The following DNAH8 variants were observed in gnomAD, a reference collection of about 807,000 sequenced individuals.
The protein encoded by DNAH8 is axonemal beta dynein heavy chain 8.
DNAH8 carries 382 observed loss-of-function variants against 562.1 expected under a neutral mutation model. The observed-to-expected ratio is 0.68, with a 90% CI of 0.63 to 0.74. DNAH8 has a LOEUF of 0.74. Among genes scored for constraint, DNAH8 ranks in the 30% least tolerant of loss-of-function variants. DNAH8 has a pLI of 0.00. For synonymous variants in DNAH8, 1,881 were observed against 1,919.4 expected (o/e 0.98, Z 0.52); for missense variants, 5,203 against 5,620.4 (o/e 0.93, Z 2.37).
chr6:38,790,705 C>T (rs1168274532), intron 20 of DNAH8, among the ~76,000 whole-genome samples: 1 of 151,924 alleles, frequency 6.6e-6, no homozygotes, highest in Non-Finnish European at 1.5e-5. Flanking sequence ...CACCTGTAAT[C>T]CCAGCTACTC....
At position 38,917,352 on chromosome 6, in the gene DNAH8, T is replaced by C. The variant is rs781138785; in HGVS notation, c.10254T>C (p.Val3418=). ...LLLFQKKIDP[V]TMDPEKSCCK... is the part of the protein sequence containing the mutation. ...TATTTCAAAAGAAAATTGACCCTGT[T>C]ACTATGGATCCAGAAAAATCTTGCT... Residue 3418 remains valine, a synonymous_variant, in exon 69 of 93, where the codon GTT becomes GTC. Transcript: ENST00000327475. 1 of 1,613,740 alleles carries C rather than the reference T, an allele frequency of 6.2e-7. No homozygotes were observed. Among genetic ancestry groups the C allele is most frequent in the Non-Finnish European group, 8.5e-7 (1 of 1,179,732 alleles).
chr6:38,937,568 A>C (rs1298615672), intron 77 of DNAH8, among the ~76,000 whole-genome samples: 2 of 152,086 alleles, frequency 1.3e-5, no homozygotes, highest in Non-Finnish European at 2.9e-5. Flanking sequence ...GGTTAGCTAC[A>C]CCCTGAGACA....
At chr6:38,892,095 C>G (rs555494217) in intron 58 of DNAH8, among the ~76,000 whole-genome samples, 15 of 152,230 alleles carry the variant, frequency 9.9e-5, no homozygotes, top group African/African-American at 3.6e-4. Flanking sequence ...GATTTTCTTC[C>G]TAGTGCACTG....
chr6:38,868,996 T>C (rs559847935), intron 48 of DNAH8, among the ~76,000 whole-genome samples: 2 of 152,324 alleles, frequency 1.3e-5, no homozygotes, highest in Admixed American at 1.3e-4. Context: ...TTGTTTTGAA[T>C]AGCTGATGGA....
At chr6:38,919,497 A>G (rs1477223512) in intron 70 of DNAH8, among the ~76,000 whole-genome samples, 2 of 152,172 alleles carry the variant, frequency 1.3e-5, no homozygotes, top group Non-Finnish European at 2.9e-5. Context: ...CCGAGTAGGC[A>G]TAAATTAGTA....
chr6:38,880,461 C>T (rs1019423634), intron 53 of DNAH8, among the ~76,000 whole-genome samples: 7 of 152,034 alleles, frequency 4.6e-5, no homozygotes, highest in Non-Finnish European at 7.4e-5. Flanking sequence ...GGGGAAAAAT[C>T]TCTTTTGCTG....
chr6:38,907,114 G>A (rs969119209), intron 63 of DNAH8, among the ~76,000 whole-genome samples: 34 of 152,174 alleles, frequency 2.2e-4, no homozygotes, highest in Admixed American at 2.0e-4. Context: ...GAGATTTATT[G>A]TGGCAACACA....
chr6:38,736,874 G>A (rs1444315380), intron 5 of DNAH8, among the ~76,000 whole-genome samples, 193 bp from the exon 6 acceptor site: 2 of 152,090 alleles, frequency 1.3e-5, no homozygotes, highest in African/African-American at 4.8e-5. Flanking sequence ...GCAAATATGG[G>A]AATAATTAAA....
intron 8 of DNAH8, among the ~76,000 whole-genome samples, chr6:38,742,935 A>G (rs1370434945): frequency 6.7e-6 from 1 of 148,794 alleles, no homozygotes; most frequent in Non-Finnish European, 1.5e-5. Flanking sequence ...CCCTGATAGT[A>G]TATCTTGGAG....
chr6:39,023,077 GGTTACTA>G (rs1767030783), intron 91 of DNAH8, among the ~76,000 whole-genome samples: 1 of 152,122 alleles, frequency 6.6e-6, no homozygotes. Flanking sequence ...AAGAATAGAA[GGTTACTA>G]TTGTTGAAGA....
Position 38,898,197 on chromosome 6 carries a change from G to T in DNAH8, c.8941-61G>T. 11 of 1,416,482 alleles carry T rather than the reference G, an allele frequency of 7.8e-6. No homozygotes were observed. In the South Asian group the frequency reaches 1.5e-4, roughly 20 times the overall value. The allele number at this position is 1,416,482 out of a possible 1,614,324, so 87.7% of individuals were successfully genotyped here. A position where few individuals can be genotyped will look rare whatever the true frequency, so the allele number is the denominator to read the frequency against. ...ATTACTTTTGAGTGTCTTTACAATT[G>T]CTACTTTAATACATACTTGGATCTT... On this transcript the variant is annotated intron_variant, in intron 60 of 92. Coordinates refer to ENST00000327475, the MANE Select transcript of DNAH8 (RefSeq NM_001206927.2).
chr6:39,014,471 A>T (rs1005871490), intron 91 of DNAH8, among the ~76,000 whole-genome samples: 1 of 152,144 alleles, frequency 6.6e-6, no homozygotes, highest in African/African-American at 2.4e-5. Context: ...GGTACTTTCA[A>T]TGAAGAGAGA....
chr6:38,830,782 A>G (rs753988457), intron 30 of DNAH8, among the ~76,000 whole-genome samples: 1 of 152,218 alleles, frequency 6.6e-6, no homozygotes, highest in Non-Finnish European at 1.5e-5. Context: ...GAAGCAAGAC[A>G]TAACAGCAAG....
chr6:38,922,914 A>G lies in DNAH8; in HGVS notation c.10663-144A>G, dbSNP rs536330522. 7.8e-5 allele frequency: 60 copies of G among 770,018 alleles called. No individual in the cohort carries two copies. In the African/African-American group the frequency reaches 9.4e-4, roughly 12 times the overall value. The allele number at this position is 770,018 out of a possible 1,614,324, so 47.7% of individuals were successfully genotyped here. On this transcript the variant is annotated intron_variant, in intron 71 of 92. Transcript: ENST00000327475. Reference sequence around the variant, plus strand: ...TGAATGATCAAAATTTAATATGTGAAGTTTCAATGCACACTGTATTTTTAG... The same window carrying G: ...TGAATGATCAAAATTTAATATGTGAGGTTTCAATGCACACTGTATTTTTAG...
In DNAH8 at chr6:38,924,105, G is replaced by T; in HGVS notation, c.10905G>T (p.Arg3635=). The part of the protein sequence containing the change: ...KDQWEMELRA[R]KIPFTENLNL... ...AATGGGAAATGGAGTTGAGAGCACG[G>T]AAAATTCCTTTCACAGAAAACCTGA... is the stretch of plus-strand genomic sequence containing the variant. Residue 3635 remains arginine, a synonymous_variant, in exon 73 of 93, where the codon CGG becomes CGT. Coordinates refer to ENST00000327475, the MANE Select transcript of DNAH8 (RefSeq NM_001206927.2). 6.2e-7 allele frequency: 1 copy of T among 1,614,042 alleles called. No individual in the cohort carries two copies. The highest frequency in any genetic ancestry group is 2.2e-5 in the East Asian group (1 of 44,878).
chr6:38,805,293 A>C (rs1451219975), intron 22 of DNAH8, among the ~76,000 whole-genome samples, 188 bp from the exon 23 acceptor site: 2 of 152,224 alleles, frequency 1.3e-5, no homozygotes, highest in Non-Finnish European at 2.9e-5. Flanking sequence ...AATTCTATTG[A>C]GGTGGATAAT....
At chr6:38,963,304 C>T in intron 82 of DNAH8, among the ~76,000 whole-genome samples, 1 of 90,890 alleles carries the variant, frequency 1.1e-5, no homozygotes. Context: ...CATATTTATT[C>T]ATACACATGC....
chr6:38,965,601 C>G (rs1762916849), intron 82 of DNAH8, among the ~76,000 whole-genome samples: 1 of 152,190 alleles, frequency 6.6e-6, no homozygotes, highest in South Asian at 2.1e-4. Flanking sequence ...CAAAATTTTA[C>G]TAAAGTCTTT....
chr6:38,835,394 C>T (rs567474938), intron 32 of DNAH8, among the ~76,000 whole-genome samples: 49 of 151,876 alleles, frequency 3.2e-4, no homozygotes, highest in Non-Finnish European at 6.5e-4. Flanking sequence ...TGGTTCTTAC[C>T]TCTAAGCTGC....
Sources: allele counts gnomAD v4.1 joint callset (sites outside exome capture counted in the v4.1 genomes callset), GRCh38; gene constraint gnomAD v4.1.1; transcripts MANE v1.5; gene names NCBI Gene and HGNC (gene_info 2026-07-23, HGNC 2026-07-21).